The following EPB41L5 variants were observed in gnomAD, a reference collection of about 807,000 sequenced individuals.
EPB41L5 encodes the protein band 4.1-like protein 5.
A neutral mutation model predicts 106.6 loss-of-function variants in EPB41L5; 55 were observed. That is an observed-to-expected ratio of 0.52 (90% CI 0.42 to 0.65). EPB41L5 has a LOEUF of 0.65. Among genes scored for constraint, EPB41L5 ranks in the 30% least tolerant of loss-of-function variants. The pLI, the probability that EPB41L5 is intolerant of heterozygous loss-of-function variation, is 0.00. For missense variants in EPB41L5, 871 were observed against 882.1 expected, an observed-to-expected ratio of 0.99 and a Z score of 0.16; for synonymous variants, 297 against 306.7, an observed-to-expected ratio of 0.97 and a Z score of 0.33.
intron 3 of EPB41L5, among the ~76,000 whole-genome samples, chr2:120,054,795 T>C (rs549747301): frequency 6.6e-6 from 1 of 152,228 alleles, no homozygotes; most frequent in Admixed American, 6.5e-5. Flanking sequence ...ATCTATTTAC[T>C]ATAGACTATA....
At chr2:120,014,676 G>A (rs1677390170) in intron 1 of EPB41L5, among the ~76,000 whole-genome samples, 1 of 152,026 alleles carries the variant, frequency 6.6e-6, no homozygotes, top group African/African-American at 2.4e-5. Flanking sequence ...GAGGTCAACT[G>A]GAAAAAGAGC....
intron 18 of EPB41L5, among the ~76,000 whole-genome samples, chr2:120,140,421 T>G (rs1686121086): frequency 6.6e-6 from 1 of 152,014 alleles, no homozygotes; most frequent in African/African-American, 2.4e-5. Context: ...CATAAATGTA[T>G]ACAAGTACTA....
chr2:120,160,630 G>A (rs1574780344), intron 20 of EPB41L5: 1 of 418,924 alleles, frequency 2.4e-6, no homozygotes, highest in East Asian at 4.2e-5. Flanking sequence ...AGCGTAAGAG[G>A]GTTACCCTTT....
At chr2:120,138,503 A>G (rs553693452) in intron 18 of EPB41L5, among the ~76,000 whole-genome samples, 2 of 152,192 alleles carry the variant, frequency 1.3e-5, no homozygotes, top group South Asian at 2.1e-4. Flanking sequence ...GATACAGATC[A>G]ACATACAAAA....
chr2:120,167,436 A>G (rs1312978831), intron 22 of EPB41L5, 30 bp from the exon 23 acceptor site: 2 of 1,593,710 alleles, frequency 1.3e-6, no homozygotes, highest in Non-Finnish European at 1.7e-6. Flanking sequence ...CTTTCCAAAA[A>G]GTAAATACAT....
intron 17 of EPB41L5, among the ~76,000 whole-genome samples, chr2:120,130,256 T>C (rs1377390806): frequency 1.3e-5 from 2 of 151,952 alleles, no homozygotes; most frequent in Non-Finnish European, 2.9e-5. Context: ...TCTTGCATAG[T>C]GTGGGAGTTT....
chr2:120,151,439 T>C (rs1686667874), intron 20 of EPB41L5, among the ~76,000 whole-genome samples: 1 of 151,986 alleles, frequency 6.6e-6, no homozygotes, highest in Non-Finnish European at 1.5e-5. Flanking sequence ...GAAAACAAAA[T>C]TAACAACTAT....
At chr2:120,081,975 G>C (rs1171279451) in intron 10 of EPB41L5, among the ~76,000 whole-genome samples, 1 of 152,196 alleles carries the variant, frequency 6.6e-6, no homozygotes, top group Non-Finnish European at 1.5e-5. Flanking sequence ...CTGAGACTTT[G>C]CTGAAGTTCC....
At chr2:120,032,699 A>G (rs1246420407) in intron 2 of EPB41L5, among the ~76,000 whole-genome samples, 6 of 152,194 alleles carry the variant, frequency 3.9e-5, no homozygotes, top group African/African-American at 1.2e-4. Flanking sequence ...TTCTGTTCAC[A>G]TTTCCAGGCC....
chr2:120,081,484 C>A lies in EPB41L5; in HGVS notation c.803+2903C>A, dbSNP rs541403338. Among the ~76,000 whole-genome samples, 3 of 152,274 alleles carry A rather than the reference C, an allele frequency of 2.0e-5. No individual in the cohort carries two copies. The East Asian group carries it at 5.8e-4, about 29-fold the overall frequency. ...TTGGTCTATATCTCTGTTTTGGTAC[C>A]AGTACCATGCTGTTTTGGTTACTGT... is the stretch of plus-strand genomic sequence containing the variant. On this transcript the variant is annotated intron_variant, in intron 10 of 24. Transcript: ENST00000263713.
intron 20 of EPB41L5, among the ~76,000 whole-genome samples, chr2:120,155,413 CT>C (rs1686859910): frequency 6.6e-6 from 1 of 152,038 alleles, no homozygotes; most frequent in Non-Finnish European, 1.5e-5. Flanking sequence ...TCGTTTCTGT[CT>C]TGCAACTTTC....
chr2:120,120,448 AAG>A (rs1685163447), intron 16 of EPB41L5, among the ~76,000 whole-genome samples: 2 of 150,782 alleles, frequency 1.3e-5, no homozygotes, highest in Admixed American at 6.6e-5. Context: ...AAAAAAAAAA[AAG>A]GAACAAGAAC....
intron 11 of EPB41L5, among the ~76,000 whole-genome samples, chr2:120,089,388 A>G (rs765508772): frequency 2.6e-5 from 4 of 152,066 alleles, no homozygotes; most frequent in Non-Finnish European, 4.4e-5. Context: ...ATTCTCATAT[A>G]TATTTTGTAA....
chr2:120,034,949 C>G (rs564358357), intron 2 of EPB41L5, among the ~76,000 whole-genome samples: 1 of 152,256 alleles, frequency 6.6e-6, no homozygotes, highest in Admixed American at 6.5e-5. Context: ...TTTTCATTTC[C>G]AATAATGACT....
chr2:120,124,596 A>G (rs964720536), intron 16 of EPB41L5, among the ~76,000 whole-genome samples: 4 of 152,190 alleles, frequency 2.6e-5, no homozygotes, highest in African/African-American at 9.7e-5. Context: ...TTTTTATGTT[A>G]TACTCTGAAA....
At chr2:120,134,760 A>G (rs1009537690) in intron 18 of EPB41L5, among the ~76,000 whole-genome samples, 1 of 152,224 alleles carries the variant, frequency 6.6e-6, no homozygotes, top group Non-Finnish European at 1.5e-5. Flanking sequence ...TAATGCAGAT[A>G]TGGCTGGAGT....
At chr2:120,121,006 A>G (rs149997110) in intron 16 of EPB41L5, among the ~76,000 whole-genome samples, 11 of 152,222 alleles carry the variant, frequency 7.2e-5, no homozygotes, top group African/African-American at 2.6e-4. Context: ...AATCCCAGCC[A>G]CTGGTGAGGA....
At chr2:120,094,136 G>A (rs545879473) in intron 14 of EPB41L5, among the ~76,000 whole-genome samples, 3 of 151,990 alleles carry the variant, frequency 2.0e-5, no homozygotes, top group African/African-American at 7.2e-5. Flanking sequence ...ACAGGCACTT[G>A]CCATCATGCA....
chr2:120,136,840 G>GA, intron 18 of EPB41L5, among the ~76,000 whole-genome samples: 1 of 152,058 alleles, frequency 6.6e-6, no homozygotes, highest in Non-Finnish European at 1.5e-5. Flanking sequence ...AGAAAATCCA[G>GA]AAAAATTAAC....
Sources: gnomAD v4.1 joint callset for allele counts (sites outside exome capture counted in the v4.1 genomes callset) on GRCh38, gnomAD v4.1.1 for gene constraint, MANE v1.5 for transcripts, NCBI Gene and HGNC (gene_info 2026-07-23, HGNC 2026-07-21) for gene names.